PIK3C2G: variants seen among roughly 807,000 people sequenced by gnomAD.
PIK3C2G encodes the protein phosphatidylinositol-4-phosphate 3-kinase catalytic subunit type 2 gamma.
PIK3C2G carries 168 observed loss-of-function variants against 181.1 expected under a neutral mutation model. The observed-to-expected ratio is 0.93, with a 90% CI of 0.82 to 1.05. The LOEUF (loss-of-function observed/expected upper bound fraction) is 1.05, where lower values mean the gene tolerates loss of function less well. Ranked by LOEUF, PIK3C2G falls within the 50% of genes least tolerant of loss-of-function variation. The pLI is 0.00. For missense variants in PIK3C2G, 1,869 were observed against 1,732.8 expected, an observed-to-expected ratio of 1.08 and a Z score of -1.40; for synonymous variants, 573 against 592.2, an observed-to-expected ratio of 0.97 and a Z score of 0.47.
chr12:18,301,701 T>C (rs1950183221), intron 5 of PIK3C2G, among the ~76,000 whole-genome samples: 1 of 152,176 alleles, frequency 6.6e-6, no homozygotes, highest in Non-Finnish European at 1.5e-5. Context: ...AGTTATCTCA[T>C]ATATTTTCTT....
In PIK3C2G at chr12:18,555,581, C is replaced by A. The variant is rs147976734; in HGVS notation, c.3591-7122C>A. Among the ~76,000 whole-genome samples the A allele has an allele frequency of 8.3e-3, 1,259 of 152,196 alleles. 11 individuals are homozygous for A. Among genetic ancestry groups the A allele is most frequent in the Non-Finnish European group, 0.012 (832 of 67,974 alleles). On this transcript the variant is annotated intron_variant, in intron 26 of 32. Coordinates refer to ENST00000538779, the MANE Select transcript of PIK3C2G (RefSeq NM_001288772.2). ...TATGAAGTAGAATACAATGTATACA[C>A]ATTTTTTAAGATAGGACCTAAGGCT... is the stretch of plus-strand genomic sequence containing the variant.
intron 31 of PIK3C2G, among the ~76,000 whole-genome samples, chr12:18,630,139 C>T (rs1030445527): frequency 1.3e-4 from 20 of 152,000 alleles, no homozygotes; most frequent in African/African-American, 3.9e-4. Context: ...GGGCCAGGTG[C>T]GGTGGCTCAT....
intron 18 of PIK3C2G, among the ~76,000 whole-genome samples, chr12:18,448,471 T>G (rs886343138): frequency 2.6e-5 from 4 of 152,130 alleles, no homozygotes; most frequent in Admixed American, 6.6e-5. Context: ...ACTATAGTCC[T>G]CATGTTGTAC....
intron 12 of PIK3C2G, among the ~76,000 whole-genome samples, chr12:18,370,803 T>C (rs1565646504): frequency 6.6e-6 from 1 of 152,166 alleles, no homozygotes; most frequent in Non-Finnish European, 1.5e-5. Context: ...CATCTCATTA[T>C]AGCTAACTTA....
the PIK3C2G span, chr12:18,696,203 G>A: frequency 6.2e-7 from 1 of 1,600,910 alleles, no homozygotes; most frequent in Non-Finnish European, 8.5e-7. Flanking sequence ...AGAAGAGTCT[G>A]CTCTTGTTGC....
At chr12:18,366,802 T>C (rs1382019368) in intron 12 of PIK3C2G, among the ~76,000 whole-genome samples, 2 of 151,990 alleles carry the variant, frequency 1.3e-5, no homozygotes, top group African/African-American at 2.4e-5. Context: ...TCCTTTTTTG[T>C]CTGAAAGTTC....
intron 1 of PIK3C2G, among the ~76,000 whole-genome samples, chr12:18,281,131 G>A (rs184942303): frequency 1.3e-5 from 2 of 151,904 alleles, no homozygotes; most frequent in Non-Finnish European, 2.9e-5. Flanking sequence ...AATAAGAAGA[G>A]TGGCCAAGGT....
the PIK3C2G span, among the ~76,000 whole-genome samples, chr12:18,687,408 AT>A: frequency 6.6e-6 from 1 of 152,136 alleles, no homozygotes; most frequent in African/African-American, 2.4e-5. Context: ...ATCAGTTCCA[AT>A]GTCTCCTTCA....
intron 18 of PIK3C2G, among the ~76,000 whole-genome samples, chr12:18,460,181 A>C (rs1191502543): frequency 6.6e-6 from 1 of 152,210 alleles, no homozygotes. Flanking sequence ...CTGACACTTA[A>C]TAATTGTATG....
chr12:18,725,369 G>A, the PIK3C2G span, among the ~76,000 whole-genome samples: 10 of 152,100 alleles, frequency 6.6e-5, no homozygotes, highest in Admixed American at 2.0e-4. Flanking sequence ...CAACGTGCTA[G>A]ACTCCTCTGT....
chr12:18,708,870 T>A, the PIK3C2G span, among the ~76,000 whole-genome samples: 1 of 152,156 alleles, frequency 6.6e-6, no homozygotes, highest in African/African-American at 2.4e-5. Context: ...TTTTTTCCAC[T>A]AATGAGTTGT....
At chr12:18,444,005 T>C (rs1946884302) in intron 18 of PIK3C2G, among the ~76,000 whole-genome samples, 1 of 152,236 alleles carries the variant, frequency 6.6e-6, no homozygotes, top group African/African-American at 2.4e-5. Flanking sequence ...GTATTGAGTG[T>C]ATTTTATCTG....
chr12:18,711,067 A>C, the PIK3C2G span, among the ~76,000 whole-genome samples: 1 of 152,116 alleles, frequency 6.6e-6, no homozygotes, highest in Non-Finnish European at 1.5e-5. Context: ...TCATGCTGCT[A>C]TAAAGACATA....
chr12:18,453,125 A>C (rs559759508), intron 18 of PIK3C2G, among the ~76,000 whole-genome samples: 1 of 152,106 alleles, frequency 6.6e-6, no homozygotes, highest in African/African-American at 2.4e-5. Context: ...ATTCTTACTA[A>C]TTTTCTGCCT....
At chr12:18,368,142 T>C (rs771405769) in intron 12 of PIK3C2G, among the ~76,000 whole-genome samples, 4 of 152,162 alleles carry the variant, frequency 2.6e-5, no homozygotes, top group Non-Finnish European at 5.9e-5. Context: ...AAATTCGAGA[T>C]GAGATTTGGG....
intron 4 of PIK3C2G, among the ~76,000 whole-genome samples, chr12:18,292,247 T>TATATAC (rs1949745597): frequency 7.5e-6 from 1 of 133,520 alleles, no homozygotes; most frequent in Non-Finnish European, 1.6e-5. Flanking sequence ...TATATATATA[T>TATATAC]ATATATATGG....
intron 26 of PIK3C2G, among the ~76,000 whole-genome samples, chr12:18,552,016 C>G (rs1241633499): frequency 6.6e-6 from 1 of 152,028 alleles, no homozygotes; most frequent in Non-Finnish European, 1.5e-5. Context: ...AGAAAAATAG[C>G]CTAGAGCTTC....
chr12:18,677,713 A>G, the PIK3C2G span, among the ~76,000 whole-genome samples: 1 of 152,112 alleles, frequency 6.6e-6, no homozygotes. Flanking sequence ...AATGTTCTAT[A>G]TGATTCCAGT....
At chr12:18,599,675 TATAAATAAAAAA>T (rs1947595779) in intron 30 of PIK3C2G, among the ~76,000 whole-genome samples, 1 of 135,342 alleles carries the variant, frequency 7.4e-6, no homozygotes, top group Non-Finnish European at 1.6e-5. Context: ...AATAAATAAA[TATAAATAAAAAA>T]AAATAAAAAT....
Sources: gnomAD v4.1 joint callset for allele counts (sites outside exome capture counted in the v4.1 genomes callset) on GRCh38, gnomAD v4.1.1 for gene constraint, MANE v1.5 for transcripts, NCBI Gene and HGNC (gene_info 2026-07-23, HGNC 2026-07-21) for gene names.